SLC35F4: variants seen among roughly 807,000 people sequenced by gnomAD.
SLC35F4 encodes chromosome 14 open reading frame 36.
In SLC35F4, 24 loss-of-function variants were observed where a neutral mutation model predicts 44.2. The ratio of observed to expected loss-of-function variants is 0.54; its 90% CI spans 0.39 to 0.76. The LOEUF is 0.76. Ranked by LOEUF, SLC35F4 falls within the 30% of genes least tolerant of loss-of-function variation. The pLI, the probability that SLC35F4 is intolerant of heterozygous loss-of-function variation, is 0.00. For synonymous variants in SLC35F4, 238 were observed against 223.6 expected (o/e 1.06, Z -0.57); for missense variants, 562 against 586.1 (o/e 0.96, Z 0.42).
At chr14:57,740,379 A>T (rs1014422897) in intron 1 of SLC35F4, among the ~76,000 whole-genome samples, 1 of 152,178 alleles carries the variant, frequency 6.6e-6, no homozygotes, top group Non-Finnish European at 1.5e-5. Flanking sequence ...TTTTTCCAAC[A>T]CCATGCATAT....
intron 1 of SLC35F4, among the ~76,000 whole-genome samples, chr14:57,696,269 G>C (rs979150120): frequency 6.6e-6 from 1 of 152,012 alleles, no homozygotes; most frequent in African/African-American, 2.4e-5. Context: ...TTTGAGAACA[G>C]ACACTTCTCA....
chr14:57,771,785 G>C (rs1156783955), intron 1 of SLC35F4, among the ~76,000 whole-genome samples: 1 of 152,112 alleles, frequency 6.6e-6, no homozygotes, highest in Non-Finnish European at 1.5e-5. Flanking sequence ...GGAGAAACAG[G>C]ATCTTTCTGT....
intron 1 of SLC35F4, among the ~76,000 whole-genome samples, chr14:57,693,165 C>A (rs563518963): frequency 6.6e-6 from 1 of 152,242 alleles, no homozygotes; most frequent in African/African-American, 2.4e-5. Context: ...TTTTTCTATT[C>A]AATTCATTTT....
At chr14:57,879,534 G>C (rs8012998) in intron 1 of SLC35F4, among the ~76,000 whole-genome samples, 56,219 of 151,898 alleles carry the variant, frequency 0.37, 13,199 homozygotes, top group East Asian at 0.72. Context: ...CCAAGCTGAC[G>C]AGCTACTCCT....
At chr14:57,633,877 G>T (rs1413364718) in intron 1 of SLC35F4, among the ~76,000 whole-genome samples, 1 of 152,034 alleles carries the variant, frequency 6.6e-6, no homozygotes, top group African/African-American at 2.4e-5. Flanking sequence ...ATTGCGGAGT[G>T]GTATTCCATA....
intron 1 of SLC35F4, among the ~76,000 whole-genome samples, chr14:57,738,401 A>G (rs2076517256): frequency 2.0e-5 from 3 of 151,984 alleles, no homozygotes; most frequent in Admixed American, 2.0e-4. Flanking sequence ...GGACCTGACT[A>G]CCTTGGACCT....
chr14:57,618,983 C>A (rs2072021108), intron 1 of SLC35F4, among the ~76,000 whole-genome samples: 1 of 152,206 alleles, frequency 6.6e-6, no homozygotes, highest in Non-Finnish European at 1.5e-5. Context: ...GCCACACTGC[C>A]TCTCTAGATT....
chr14:57,873,210 C>G (rs1324545396), intron 1 of SLC35F4, among the ~76,000 whole-genome samples: 1 of 152,230 alleles, frequency 6.6e-6, no homozygotes, highest in East Asian at 1.9e-4. Context: ...ATAGCATTAT[C>G]CCACGAAGGG....
chr14:57,901,184 G>A (rs1189178686), intron 1 of SLC35F4, among the ~76,000 whole-genome samples: 1 of 152,276 alleles, frequency 6.6e-6, no homozygotes. Flanking sequence ...ATATCCAAAG[G>A]ATTAGAAATC....
At chr14:57,943,953 C>T (rs546841194) in intron 1 of SLC35F4, among the ~76,000 whole-genome samples, 2 of 152,100 alleles carry the variant, frequency 1.3e-5, no homozygotes, top group African/African-American at 2.4e-5. Context: ...TGGACCACGC[C>T]AATGGGAGAG....
At chr14:57,642,669 A>C (rs1477214085) in intron 1 of SLC35F4, among the ~76,000 whole-genome samples, 1 of 151,920 alleles carries the variant, frequency 6.6e-6, no homozygotes, top group African/African-American at 2.4e-5. Flanking sequence ...GGTTGTCTAA[A>C]ATGTATAATT....
intron 5 of SLC35F4, among the ~76,000 whole-genome samples, 179 bp from the exon 6 acceptor site, chr14:57,570,159 C>T (rs2068425656): frequency 6.6e-6 from 1 of 152,156 alleles, no homozygotes; most frequent in Non-Finnish European, 1.5e-5. Flanking sequence ...ACTCCATAGC[C>T]TTCATATGAA....
At chr14:57,612,575 G>T (rs1463552792) in intron 1 of SLC35F4, among the ~76,000 whole-genome samples, 1 of 152,182 alleles carries the variant, frequency 6.6e-6, no homozygotes, top group Non-Finnish European at 1.5e-5. Context: ...CTGGCTGTCA[G>T]CTTCTTAATA....
chr14:57,795,842 G>A (rs1203789151), intron 1 of SLC35F4, among the ~76,000 whole-genome samples: 15 of 151,728 alleles, frequency 9.9e-5, no homozygotes, highest in Admixed American at 9.8e-4. Context: ...ATGCAGGTTT[G>A]TTACATGGGC....
intron 6 of SLC35F4, among the ~76,000 whole-genome samples, chr14:57,567,814 G>C (rs1318717728): frequency 6.6e-6 from 1 of 152,208 alleles, no homozygotes; most frequent in Non-Finnish European, 1.5e-5. Flanking sequence ...ATTCAGACAT[G>C]CTAGGTGAAT....
chr14:57,741,649 T>C (rs1379553870), intron 1 of SLC35F4, among the ~76,000 whole-genome samples: 1 of 152,130 alleles, frequency 6.6e-6, no homozygotes, highest in East Asian at 1.9e-4. Flanking sequence ...TGGAACCAAG[T>C]TGGAAAACAC....
intron 1 of SLC35F4, among the ~76,000 whole-genome samples, chr14:57,636,798 C>G (rs780114799): frequency 6.6e-6 from 1 of 152,056 alleles, no homozygotes; most frequent in Non-Finnish European, 1.5e-5. Flanking sequence ...TTTAACTGAG[C>G]ATACTAGTTT....
At chr14:57,812,889 G>A (rs932416326) in intron 1 of SLC35F4, among the ~76,000 whole-genome samples, 8 of 152,108 alleles carry the variant, frequency 5.3e-5, no homozygotes, top group African/African-American at 1.7e-4. Context: ...TGAGACCACA[G>A]GCCGTGACCT....
chr14:57,711,108 C>T (rs1317615946), intron 1 of SLC35F4, among the ~76,000 whole-genome samples: 1 of 152,040 alleles, frequency 6.6e-6, no homozygotes, highest in Non-Finnish European at 1.5e-5. Flanking sequence ...GGGAGGTACC[C>T]AGTGGGTAGT....
Sources: gnomAD v4.1 joint callset for allele counts (sites outside exome capture counted in the v4.1 genomes callset) on GRCh38, gnomAD v4.1.1 for gene constraint, MANE v1.5 for transcripts, NCBI Gene and HGNC (gene_info 2026-07-23, HGNC 2026-07-21) for gene names.